Variants in TDRD9 observed in about 807,000 individuals in gnomAD.
The protein encoded by TDRD9 is ATP-dependent RNA helicase TDRD9.
Under a neutral mutation model 172.6 loss-of-function variants are expected in TDRD9, and 124 were observed. The observed-to-expected ratio is 0.72, with a 90% CI of 0.62 to 0.83. TDRD9 has a LOEUF of 0.83. Among genes scored for constraint, TDRD9 ranks in the 40% least tolerant of loss-of-function variants. The probability of loss-of-function intolerance (pLI) is 0.00; values close to 1 mark genes in which losing one functional copy is unlikely to be tolerated. For synonymous variants in TDRD9, 619 were observed against 617.1 expected, an observed-to-expected ratio of 1.00 and a Z score of -0.05; for missense variants, 1,479 against 1,714.1, an observed-to-expected ratio of 0.86 and a Z score of 2.42.
intron 2 of TDRD9, among the ~76,000 whole-genome samples, chr14:103,956,325 C>A (rs1485290336): frequency 6.6e-6 from 1 of 151,300 alleles, no homozygotes; most frequent in Non-Finnish European, 1.5e-5. Context: ...GTAATCTCAG[C>A]TACATGGGAG....
chr14:103,956,861 G>T (rs2032273387), intron 2 of TDRD9, among the ~76,000 whole-genome samples: 1 of 152,068 alleles, frequency 6.6e-6, no homozygotes, highest in Non-Finnish European at 1.5e-5. Flanking sequence ...CTATTCATAT[G>T]CTAGAAGTTA....
At chr14:103,942,229 GAAACTGTATTTGAAATA>G (rs1355880185) in intron 1 of TDRD9, 1 of 152,514 alleles carries the variant, frequency 6.6e-6, no homozygotes, top group Non-Finnish European at 1.5e-5. Flanking sequence ...TTTACCCACC[GAAACTGTATTTGAAATA>G]AATAACTTTC....
At chr14:103,942,691 G>A (rs77116639) in intron 1 of TDRD9, among the ~76,000 whole-genome samples, 2,726 of 152,230 alleles carry the variant, frequency 0.018, 80 homozygotes, top group African/African-American at 0.063. Flanking sequence ...GTGAAAACAG[G>A]AAAAATAGAT....
At chr14:103,969,552 T>C (rs2032928110) in intron 5 of TDRD9, among the ~76,000 whole-genome samples, 1 of 152,234 alleles carries the variant, frequency 6.6e-6, no homozygotes, top group Non-Finnish European at 1.5e-5. Context: ...GCTACTTCTC[T>C]AGACATCTCC....
At chr14:103,946,162 C>T (rs562927747) in intron 1 of TDRD9, among the ~76,000 whole-genome samples, 17 of 151,952 alleles carry the variant, frequency 1.1e-4, no homozygotes, top group Non-Finnish European at 2.2e-4. Context: ...GACTGGGTCT[C>T]ACTCACCATG....
chr14:104,024,137 A>G lies in TDRD9; in HGVS notation c.2607-432A>G, dbSNP rs74089115. 6.8e-3 allele frequency among the ~76,000 whole-genome samples: 1,042 copies of G among 152,316 alleles called. 11 individuals are homozygous for G. The highest frequency in any genetic ancestry group is 0.024 in the African/African-American group (999 of 41,566). The stretch of plus-strand genomic sequence containing the variant: ...TGGAAAGTCATGTGTGTGTTTTCTA[A>G]CATAGCATTGAGCCAAGCGTGGATT... On this transcript the variant is annotated intron_variant, in intron 24 of 35. Coordinates refer to ENST00000409874, the MANE Select transcript of TDRD9 (RefSeq NM_153046.3).
At chr14:103,939,632 GGTACACAA>G (rs11278069) in intron 1 of TDRD9, among the ~76,000 whole-genome samples, 48,002 of 133,614 alleles carry the variant, frequency 0.36, 8,968 homozygotes, top group Middle Eastern at 0.44. Flanking sequence ...AGTTGAAAAT[GGTACACAA>G]GTTGGCCAAG....
chr14:104,034,355 T>C (rs1045115154), intron 31 of TDRD9, among the ~76,000 whole-genome samples: 1 of 152,040 alleles, frequency 6.6e-6, no homozygotes, highest in Admixed American at 6.5e-5. Context: ...CATGCCTGGC[T>C]AATTTTTTGT....
rs552102385 is a variant in TDRD9 at position 103,938,310 on chromosome 14, C to T, written c.215+9586C>T. Among the ~76,000 whole-genome samples, 10 of 150,196 alleles carry T rather than the reference C, an allele frequency of 6.7e-5. No homozygotes were observed. The South Asian group carries it at 1.7e-3, about 25-fold the overall frequency. The stretch of plus-strand genomic sequence containing the variant: ...CTAGCTAAATATTGTAGCTCCTGAA[C>T]GAATGCTGCTTTTTCTTGATAAAAC... On this transcript the variant is annotated intron_variant, in intron 1 of 35. Coordinates refer to ENST00000409874, the MANE Select transcript of TDRD9 (RefSeq NM_153046.3).
intron 1 of TDRD9, among the ~76,000 whole-genome samples, chr14:103,948,169 G>A (rs1030373674): frequency 8.6e-5 from 13 of 151,718 alleles, no homozygotes; most frequent in Admixed American, 6.6e-4. Flanking sequence ...GTGCAGCAGC[G>A]TGCCTGCTAT....
intron 1 of TDRD9, among the ~76,000 whole-genome samples, chr14:103,945,252 A>ACTTT (rs2031498961): frequency 6.6e-6 from 1 of 152,136 alleles, no homozygotes; most frequent in African/African-American, 2.4e-5. Flanking sequence ...TTCTCCACTT[A>ACTTT]CTTGTTTGAC....
At chr14:103,940,895 A>C (rs1291502611) in intron 1 of TDRD9, 1 of 1,535,254 alleles carries the variant, frequency 6.5e-7, no homozygotes, top group Non-Finnish European at 8.7e-7. Flanking sequence ...ACGTAACTGG[A>C]AATGGTGGGT....
In TDRD9 at chr14:104,052,116, A is replaced by C. The variant is rs7150461; in HGVS notation, c.*34A>C. 14 of 1,481,504 alleles carry C rather than the reference A, an allele frequency of 9.4e-6. No individual in the cohort carries two copies. The highest frequency in any genetic ancestry group is 1.2e-5 in the South Asian group (1 of 82,442). 91.8% of individuals were successfully genotyped at this position (1,481,504 alleles called of 1,614,324 possible). A position where few individuals can be genotyped will look rare whatever the true frequency, so the allele number is the denominator to read the frequency against. ...ACAGGTGGCCTCCAGCACACCCCTC[A>C]GGAAGCTGTGGAGGCTGGATTCCAG... On this transcript the variant is annotated 3_prime_UTR_variant, in exon 36 of 36. Coordinates refer to ENST00000409874, the MANE Select transcript of TDRD9 (RefSeq NM_153046.3).
chr14:103,981,124 C>T (rs1021497412), intron 7 of TDRD9, among the ~76,000 whole-genome samples: 4 of 152,076 alleles, frequency 2.6e-5, no homozygotes, highest in African/African-American at 9.7e-5. Context: ...GGTGGCTTGC[C>T]GCCCACACCT....
chr14:103,973,766 G>A lies in TDRD9; in HGVS notation c.847-1623G>A, dbSNP rs574747468. ...CTCTCTTCCACTCCAAGTGGCTTCT[G>A]AGAGCATTCTTTTTAACTTCAGACA... is the stretch of plus-strand genomic sequence containing the variant. On this transcript the variant is annotated intron_variant, in intron 6 of 35. Transcript: ENST00000409874. Among the ~76,000 whole-genome samples the A allele has an allele frequency of 6.6e-5, 10 of 152,342 alleles. No individual in the cohort carries two copies. The South Asian group carries it at 2.1e-3, about 32-fold the overall frequency.
intron 8 of TDRD9, among the ~76,000 whole-genome samples, chr14:103,988,995 G>A (rs1482188147): frequency 1.3e-5 from 2 of 151,996 alleles, no homozygotes; most frequent in Non-Finnish European, 2.9e-5. Flanking sequence ...AATACTCTCT[G>A]GGGTCGGCTG....
Position 104,042,104 on chromosome 14 carries a change from CTG to C in TDRD9, c.3894_3895del (p.Cys1298Ter). On this transcript the variant is annotated frameshift_variant, in exon 34 of 36. Coordinates refer to ENST00000409874, the MANE Select transcript of TDRD9 (RefSeq NM_153046.3). LOFTEE classifies it high-confidence loss of function. ...ILRAAINKLV[C>X]DGPNGCKCLG... is the part of the protein sequence containing the mutation. Reference sequence around the variant, plus strand: ...TCAGGGCTGCTATTAACAAGCTAGTCTGTGATGGACCAAATGGATGCAAGTGT... The same window carrying C: ...TCAGGGCTGCTATTAACAAGCTAGTCTGATGGACCAAATGGATGCAAGTGT... 1 of 1,613,368 alleles carries C rather than the reference CTG, an allele frequency of 6.2e-7. No individual in the cohort carries two copies. The highest frequency in any genetic ancestry group is 8.5e-7 in the Non-Finnish European group (1 of 1,179,386).
chr14:103,942,512 C>T (rs142544158), intron 1 of TDRD9, among the ~76,000 whole-genome samples: 1 of 152,314 alleles, frequency 6.6e-6, no homozygotes, highest in Non-Finnish European at 1.5e-5. Flanking sequence ...AGATGCGCTC[C>T]GAGCTAGAGT....
rs1596030051 is a variant in TDRD9 at position 104,044,235 on chromosome 14, T to C, written c.3974+2048T>C. Reference sequence around the variant, plus strand: ...CCAGGGTCTGACTGTGTGTTTTCCTTGGCGACTCCAAGACAAGATGCAGGG... The same window carrying C: ...CCAGGGTCTGACTGTGTGTTTTCCTCGGCGACTCCAAGACAAGATGCAGGG... On this transcript the variant is annotated intron_variant, in intron 34 of 35. Coordinates refer to ENST00000409874, the MANE Select transcript of TDRD9 (RefSeq NM_153046.3). 3.3e-5 allele frequency among the ~76,000 whole-genome samples: 5 copies of C among 152,298 alleles called. 1 individual carries two copies. In the South Asian group the frequency reaches 1.0e-3, roughly 32 times the overall value.
Sources: allele counts gnomAD v4.1 joint callset (sites outside exome capture counted in the v4.1 genomes callset), GRCh38; gene constraint gnomAD v4.1.1; transcripts MANE v1.5; gene names NCBI Gene and HGNC (gene_info 2026-07-23, HGNC 2026-07-21).